VOPP1: variants seen among roughly 807,000 people sequenced by gnomAD.
The protein encoded by VOPP1 is WW domain binding protein VOPP1.
Under a neutral mutation model 23.5 loss-of-function variants are expected in VOPP1, and 8 were observed. The ratio of observed to expected loss-of-function variants is 0.34; its 90% CI spans 0.20 to 0.61. The LOEUF (loss-of-function observed/expected upper bound fraction) is 0.61, where lower values mean the gene tolerates loss of function less well. Ranked by LOEUF, VOPP1 falls within the 20% of genes least tolerant of loss-of-function variation. VOPP1 has a pLI of 0.78. For synonymous variants in VOPP1, 83 were observed against 97.3 expected (o/e 0.85, Z 0.86); for missense variants, 174 against 238.1 (o/e 0.73, Z 1.77).
At chr7:55,554,772 G>A (rs564755692) in intron 1 of VOPP1, among the ~76,000 whole-genome samples, 7 of 152,348 alleles carry the variant, frequency 4.6e-5, no homozygotes, top group African/African-American at 1.7e-4. Context: ...AGGGGCTGGA[G>A]CTCAGCAGGG....
At chr7:55,546,703 G>A (rs1797379691) in intron 1 of VOPP1, among the ~76,000 whole-genome samples, 1 of 152,146 alleles carries the variant, frequency 6.6e-6, no homozygotes, top group South Asian at 2.1e-4. Flanking sequence ...AATATATTGT[G>A]CTCCCCCGCC....
intron 1 of VOPP1, among the ~76,000 whole-genome samples, chr7:55,567,240 G>A (rs1250747767): frequency 6.6e-6 from 1 of 152,122 alleles, no homozygotes; most frequent in Non-Finnish European, 1.5e-5. Flanking sequence ...CAGCAACTAA[G>A]GATATGTCAA....
chr7:55,529,301 G>A (rs898000481), intron 1 of VOPP1, among the ~76,000 whole-genome samples: 7 of 148,736 alleles, frequency 4.7e-5, no homozygotes, highest in Non-Finnish European at 1.0e-4. Flanking sequence ...GGAGGCGGAG[G>A]TTACAGTGAG....
intron 2 of VOPP1, among the ~76,000 whole-genome samples, chr7:55,508,262 G>A (rs867716720): frequency 6.6e-5 from 10 of 152,198 alleles, no homozygotes; most frequent in Non-Finnish European, 1.0e-4. Flanking sequence ...TGGTAACTAC[G>A]GAGTTTTTTG....
chr7:55,495,520 T>C (rs547792614), intron 3 of VOPP1, among the ~76,000 whole-genome samples: 1 of 152,208 alleles, frequency 6.6e-6, no homozygotes, highest in South Asian at 2.1e-4. Flanking sequence ...CAAGGTGCTG[T>C]CCCTCTGCCC....
intron 4 of VOPP1, among the ~76,000 whole-genome samples, chr7:55,443,414 C>CGTG (rs1791015771): frequency 6.6e-6 from 1 of 151,482 alleles, no homozygotes; most frequent in South Asian, 2.1e-4. Flanking sequence ...ATAAGCCAGG[C>CGTG]GTGGTGGCGG....
At chr7:55,570,805 A>C (rs1051569032) in intron 1 of VOPP1, among the ~76,000 whole-genome samples, 1 of 152,014 alleles carries the variant, frequency 6.6e-6, no homozygotes, top group East Asian at 1.9e-4. Flanking sequence ...AGCCGGGCAT[A>C]GTGGTGGGCG....
chr7:55,566,927 T>A (rs1400470213), intron 1 of VOPP1, among the ~76,000 whole-genome samples: 1 of 152,208 alleles, frequency 6.6e-6, no homozygotes, highest in Non-Finnish European at 1.5e-5. Context: ...TGAGGGCCTG[T>A]CATTGTGATA....
chr7:55,546,803 G>A (rs1245378962), intron 1 of VOPP1, among the ~76,000 whole-genome samples: 1 of 152,254 alleles, frequency 6.6e-6, no homozygotes, highest in Non-Finnish European at 1.5e-5. Flanking sequence ...GGGCGATGGA[G>A]CAGAGGCCAG....
intron 1 of VOPP1, among the ~76,000 whole-genome samples, chr7:55,544,970 G>A (rs1333412476): frequency 1.3e-5 from 2 of 152,180 alleles, no homozygotes; most frequent in African/African-American, 2.4e-5. Flanking sequence ...CATATATACT[G>A]AGAGGATAGA....
chr7:55,569,899 G>A (rs1798291780), intron 1 of VOPP1, among the ~76,000 whole-genome samples: 1 of 152,168 alleles, frequency 6.6e-6, no homozygotes, highest in South Asian at 2.1e-4. Flanking sequence ...GGTGGGAACA[G>A]AGTCACCACT....
At chr7:55,451,567 G>A (rs1032025860) in intron 4 of VOPP1, among the ~76,000 whole-genome samples, 6 of 152,230 alleles carry the variant, frequency 3.9e-5, no homozygotes, top group Admixed American at 6.5e-5. Flanking sequence ...AGAGGCGGGC[G>A]GATCACAAGG....
At chr7:55,571,122 A>T (rs1798337343) in intron 1 of VOPP1, among the ~76,000 whole-genome samples, 2 of 152,146 alleles carry the variant, frequency 1.3e-5, no homozygotes, top group South Asian at 4.1e-4. Flanking sequence ...GAATAAATGG[A>T]AAGAATGCAA....
intron 1 of VOPP1, chr7:55,538,760 G>C (rs1796958890): frequency 9.2e-7 from 1 of 1,088,972 alleles, no homozygotes; most frequent in Non-Finnish European, 1.3e-6. Flanking sequence ...GCTTTCTAAG[G>C]GGAATGCTGT....
At chr7:55,457,863 AG>A (rs1207842893) in intron 4 of VOPP1, among the ~76,000 whole-genome samples, 1 of 152,180 alleles carries the variant, frequency 6.6e-6, no homozygotes, top group East Asian at 1.9e-4. Flanking sequence ...TTGGATAAAT[AG>A]TTTGCACATA....
At chr7:55,561,404 T>C (rs1437198813) in intron 1 of VOPP1, among the ~76,000 whole-genome samples, 1 of 151,976 alleles carries the variant, frequency 6.6e-6, no homozygotes, top group African/African-American at 2.4e-5. Context: ...TCTAGGAGCT[T>C]AAGGTCTAAA....
At chr7:55,564,243 G>GTCTCTGTCTCTGTCTCTCTCTCTC (rs1554302403) in intron 1 of VOPP1, among the ~76,000 whole-genome samples, 1 of 125,984 alleles carries the variant, frequency 7.9e-6, no homozygotes, top group South Asian at 2.8e-4. Context: ...CTCTGTCTCT[G>GTCTCTGTCTCTGTCTCTCTCTCTC]TCTCTCTCTC....
At chr7:55,539,973 C>G (rs1008943656) in intron 1 of VOPP1, among the ~76,000 whole-genome samples, 2 of 151,166 alleles carry the variant, frequency 1.3e-5, no homozygotes, top group Admixed American at 1.3e-4. Context: ...CAGGAACACT[C>G]ATGAATTAAG....
At chr7:55,462,330 G>A (rs568119510) in intron 4 of VOPP1, among the ~76,000 whole-genome samples, 2 of 152,174 alleles carry the variant, frequency 1.3e-5, no homozygotes, top group East Asian at 3.9e-4. Context: ...TATACCTTGG[G>A]GAAGACTTTT....
Sources: allele counts gnomAD v4.1 joint callset (sites outside exome capture counted in the v4.1 genomes callset), GRCh38; gene constraint gnomAD v4.1.1; transcripts MANE v1.5; gene names NCBI Gene and HGNC (gene_info 2026-07-23, HGNC 2026-07-21).